The following FOSL2 variants were observed in gnomAD, a reference collection of about 807,000 sequenced individuals.
FOSL2 encodes the protein fos-related antigen 2.
FOSL2 carries 3 observed loss-of-function variants against 27.7 expected under a neutral mutation model. The ratio of observed to expected loss-of-function variants is 0.11; its 90% confidence interval spans 0.05 to 0.28. The LOEUF (loss-of-function observed/expected upper bound fraction) is 0.28, where lower values mean the gene tolerates loss of function less well. FOSL2 is among the 10% of genes least tolerant of loss of function. FOSL2 has a pLI of 1.00. For synonymous variants in FOSL2, 179 were observed against 190.1 expected (o/e 0.94, Z 0.48); for missense variants, 333 against 445.1 (o/e 0.75, Z 2.27).
rs1400312482 is a variant in FOSL2 at position 28,393,703 on chromosome 2, C to T, written c.-18C>T. 2.5e-6 allele frequency: 4 copies of T among 1,581,952 alleles called. No individual in the cohort carries two copies. The East Asian group carries it at 9.2e-5, about 36-fold the overall frequency. ...GAAGAAAAACACCCTGTTTCCTCTCCGGCCCCCACCGCGGATCATGTACCA... is the reference window on the plus strand; with the variant it reads ...GAAGAAAAACACCCTGTTTCCTCTCTGGCCCCCACCGCGGATCATGTACCA... On this transcript the variant is annotated 5_prime_UTR_variant, in exon 1 of 4. Coordinates refer to ENST00000264716, the MANE Select transcript of FOSL2 (RefSeq NM_005253.4). The surrounding 1 kb of genome is among the most constrained non-coding windows in gnomAD (Gnocchi z 4.6).
chr2:28,405,953 A>G (rs1664067554), intron 2 of FOSL2, among the ~76,000 whole-genome samples: 2 of 152,056 alleles, frequency 1.3e-5, no homozygotes, highest in Non-Finnish European at 1.5e-5. Flanking sequence ...CTGGGATATA[A>G]GTGATCCTGA....
At chr2:28,395,278 C>T (rs1414440448) in intron 1 of FOSL2, among the ~76,000 whole-genome samples, 3 of 152,222 alleles carry the variant, frequency 2.0e-5, no homozygotes, top group Non-Finnish European at 4.4e-5. Context: ...GTACCCACTC[C>T]CTCCGTCTCC....
At chr2:28,396,110 T>C (rs1663829026) in intron 1 of FOSL2, among the ~76,000 whole-genome samples, 1 of 152,250 alleles carries the variant, frequency 6.6e-6, no homozygotes, top group Admixed American at 6.5e-5. Context: ...CCGATCCATA[T>C]GAGACAGTTC....
chr2:28,397,272 A>C (rs984603962), intron 1 of FOSL2, among the ~76,000 whole-genome samples: 1 of 152,134 alleles, frequency 6.6e-6, no homozygotes, highest in South Asian at 2.1e-4. Flanking sequence ...ATGTCTGTCT[A>C]TTCATTAGGT....
Position 28,395,317 on chromosome 2 carries a change from TCTC to T in FOSL2, c.102+1503_102+1505del, listed in dbSNP as rs545275829. Among the ~76,000 whole-genome samples the T allele has an allele frequency of 3.4e-4, 52 of 152,350 alleles. No homozygotes were observed. In the East Asian group the frequency reaches 3.9e-3, roughly 11 times the overall value. Reference sequence around the variant, plus strand: ...TCGACAAACCCCAAACGCCTGTCTGTCTCCTCCTCCCTGAAATCAGGAAGGGAT... The same window carrying T: ...TCGACAAACCCCAAACGCCTGTCTGTCTCCTCCCTGAAATCAGGAAGGGAT... On this transcript the variant is annotated intron_variant, in intron 1 of 3. Transcript: ENST00000264716.
chr2:28,408,922 C>CCCA lies in FOSL2; in HGVS notation c.462+56_462+57insCCA. 8.1e-7 allele frequency: 1 copy of CCCA among 1,235,490 alleles called. No individual in the cohort carries two copies. Among genetic ancestry groups the CCCA allele is most frequent in the South Asian group, 1.4e-5 (1 of 70,786 alleles). 76.5% of individuals were successfully genotyped at this position (1,235,490 alleles called of 1,614,324 possible). On this transcript the variant is annotated intron_variant, in intron 3 of 3. Transcript: ENST00000264716. The surrounding 1 kb of genome is among the most constrained non-coding windows in gnomAD (Gnocchi z 4.1). ...TCTGGGTGGGCTGGAGTGAGAGCCC[C>CCCA]GGGGGTCCTGATCCTCTCTCCCACA...
chr2:28,403,205 G>A (rs1225753947), intron 1 of FOSL2, among the ~76,000 whole-genome samples: 3 of 152,170 alleles, frequency 2.0e-5, no homozygotes, highest in African/African-American at 7.2e-5. Flanking sequence ...AGGACCAGCT[G>A]CTAAGGAGCA....
In FOSL2 at chr2:28,393,760, C is replaced by G; in HGVS notation, c.40C>G (p.Arg14Gly). 6.2e-7 allele frequency: 1 copy of G among 1,610,176 alleles called. No individual in the cohort carries two copies. Among genetic ancestry groups the G allele is most frequent in the South Asian group, 1.1e-5 (1 of 90,734 alleles). Residue 14 changes from arginine to glycine, a missense_variant, in exon 1 of 4, where the codon CGG (arginine) becomes GGG (glycine). Around this residue, in one of 4 missense-constraint regions of FOSL2, gnomAD observed 131 missense variants for 157.9 expected, o/e 0.83. Transcript: ENST00000264716. The surrounding 1 kb of genome is among the most constrained non-coding windows in gnomAD (Gnocchi z 4.6). ...TCCCGGGAACTTTGACACCTCGTCCCGGGGCAGCAGCGGCTCTCCTGCGCA... is the reference window on the plus strand; with the variant it reads ...TCCCGGGAACTTTGACACCTCGTCCGGGGGCAGCAGCGGCTCTCCTGCGCA... Reference protein sequence around the residue: ...DYPGNFDTSSRGSSGSPAHAE... With the variant: ...DYPGNFDTSSGGSSGSPAHAE...
At chr2:28,394,159 C>G (rs1663755444) in intron 1 of FOSL2, among the ~76,000 whole-genome samples, 1 of 148,986 alleles carries the variant, frequency 6.7e-6, no homozygotes, top group African/African-American at 2.5e-5. Context: ...CCACCCCTGC[C>G]CCGCGTCTTC....
chr2:28,400,789 A>G (rs898586287), intron 1 of FOSL2, among the ~76,000 whole-genome samples: 7 of 152,328 alleles, frequency 4.6e-5, no homozygotes, highest in African/African-American at 1.4e-4. Context: ...CCTGCCCTCC[A>G]GAGCGGGTGG....
intron 2 of FOSL2, among the ~76,000 whole-genome samples, chr2:28,407,147 C>T (rs564666420): frequency 1.3e-5 from 2 of 152,190 alleles, no homozygotes; most frequent in East Asian, 3.9e-4. Context: ...TGGGTCAAGG[C>T]CAGCCTCCTT....
chr2:28,396,094 A>G (rs1663828422), intron 1 of FOSL2, among the ~76,000 whole-genome samples: 1 of 152,126 alleles, frequency 6.6e-6, no homozygotes, highest in Non-Finnish European at 1.5e-5. Context: ...ATGGCATCTC[A>G]GTGGACCGAT....
In FOSL2 at chr2:28,401,839, C is replaced by A. The variant is rs188711408; in HGVS notation, c.103-2268C>A. Among the ~76,000 whole-genome samples the A allele has an allele frequency of 1.2e-3, 181 of 152,358 alleles. 2 individuals are homozygous for A. The highest frequency in any genetic ancestry group is 5.9e-4 in the Non-Finnish European group (40 of 68,040). On this transcript the variant is annotated intron_variant, in intron 1 of 3. Transcript: ENST00000264716. Reference sequence around the variant, plus strand: ...CAGAAATGCAACTCAGAATCTATCACCCTGGGCAGCTCTCTTCACGGGATC... The same window carrying A: ...CAGAAATGCAACTCAGAATCTATCAACCTGGGCAGCTCTCTTCACGGGATC...
chr2:28,403,909 C>T (rs936195847), intron 1 of FOSL2, among the ~76,000 whole-genome samples, 198 bp from the exon 2 acceptor site: 2 of 152,124 alleles, frequency 1.3e-5, no homozygotes, highest in Non-Finnish European at 2.9e-5. Flanking sequence ...GACGTGAAGC[C>T]CCAGGCATAA....
intron 1 of FOSL2, among the ~76,000 whole-genome samples, chr2:28,402,140 C>T (rs1288444809): frequency 6.6e-6 from 1 of 152,216 alleles, no homozygotes; most frequent in East Asian, 1.9e-4. Context: ...AATCCCAGAA[C>T]CCATTGCTCT....
chr2:28,406,545 T>A (rs1441090540), intron 2 of FOSL2, among the ~76,000 whole-genome samples: 1 of 152,216 alleles, frequency 6.6e-6, no homozygotes, highest in African/African-American at 2.4e-5. Context: ...GAGCCAGCAC[T>A]GGAACCCACT....
Position 28,415,157 on chromosome 2 carries a change from A to T in FOSL2, c.*2709A>T, listed in dbSNP as rs997145852. The T allele has an allele frequency of 6.6e-6, 1 of 152,304 alleles. No individual in the cohort carries two copies. The highest frequency in any genetic ancestry group is 2.4e-5 in the African/African-American group (1 of 41,444). 9.4% of individuals were successfully genotyped at this position (152,304 alleles called of 1,614,324 possible). On this transcript the variant is annotated 3_prime_UTR_variant, in exon 4 of 4. Coordinates refer to ENST00000264716, the MANE Select transcript of FOSL2 (RefSeq NM_005253.4). ...CTTCTTGTGGCTCCACTCGCGAGGC[A>T]GCTCGGAGGTGTGGACTCCGATTGG...
At position 28,398,118 on chromosome 2, in the gene FOSL2, GA is replaced by G. The variant is rs1292215105; in HGVS notation, c.102+4297del. Reference sequence around the variant, plus strand: ...AAAGATACTGGTTGTGAGAATTAAGGAGACGAACGTTCCGGTCTATTTGTTG... The same window carrying G: ...AAAGATACTGGTTGTGAGAATTAAGGGACGAACGTTCCGGTCTATTTGTTG... On this transcript the variant is annotated intron_variant, in intron 1 of 3. Coordinates refer to ENST00000264716, the MANE Select transcript of FOSL2 (RefSeq NM_005253.4). Among the ~76,000 whole-genome samples, 77 of 152,324 alleles carry G rather than the reference GA, an allele frequency of 5.1e-4. 1 individual carries two copies. Among genetic ancestry groups the G allele is most frequent in the African/African-American group, 1.8e-3 (73 of 41,576 alleles).
chr2:28,393,550 G>A lies in FOSL2; in HGVS notation c.-171G>A. 1 of 579,946 alleles carries A rather than the reference G, an allele frequency of 1.7e-6. No individual in the cohort carries two copies. Among genetic ancestry groups the A allele is most frequent in the Non-Finnish European group, 3.1e-6 (1 of 327,438 alleles). The allele number at this position is 579,946 out of a possible 1,614,324, so 35.9% of individuals were successfully genotyped here. A position where few individuals can be genotyped will look rare whatever the true frequency, so the allele number is the denominator to read the frequency against. On this transcript the variant is annotated 5_prime_UTR_variant, in exon 1 of 4. Transcript: ENST00000264716. This position sits in a 1 kb window ranked among gnomAD's most constrained non-coding sequence, Gnocchi z 4.6. Reference sequence around the variant, plus strand: ...GCTCGGGGGACGCTGTTCCTGAGGTGTCGCCGCCTCCCTGTCCTCGCCCTC... The same window carrying A: ...GCTCGGGGGACGCTGTTCCTGAGGTATCGCCGCCTCCCTGTCCTCGCCCTC...
Sources: gnomAD v4.1 joint callset for allele counts (sites outside exome capture counted in the v4.1 genomes callset) on GRCh38, gnomAD v4.1.1 for gene constraint, gnomAD v4.1.1 regional missense constraint, Gnocchi (gnomAD v3.1) non-coding constraint, MANE v1.5 for transcripts, NCBI Gene and HGNC (gene_info 2026-07-23, HGNC 2026-07-21) for gene names.